Variants in SHANK2 observed in about 807,000 individuals in gnomAD.
The protein encoded by SHANK2 is SH3 and multiple ankyrin repeat domains protein 2.
SHANK2 carries 43 observed loss-of-function variants against 133.7 expected under a neutral mutation model. The ratio of observed to expected loss-of-function variants is 0.32; its 90% CI spans 0.25 to 0.41. SHANK2 has a LOEUF of 0.41. Among genes scored for constraint, SHANK2 ranks in the 10% least tolerant of loss-of-function variants. The pLI is 1.00. For missense variants in SHANK2, 1,994 were observed against 2,235.8 expected (o/e 0.89, Z 2.18); for synonymous variants, 1,017 against 952.8 (o/e 1.07, Z -1.24).
At chr11:71,084,270 C>A (rs978345854) in intron 8 of SHANK2, among the ~76,000 whole-genome samples, 22,167 of 152,170 alleles carry the variant, frequency 0.15, 2,297 homozygotes, top group East Asian at 0.5. Context: ...CGCACCCGGC[C>A]CGAATAACAA....
intron 1 of SHANK2, among the ~76,000 whole-genome samples, chr11:71,235,025 C>T (rs781809695): frequency 2.6e-4 from 39 of 152,194 alleles, no homozygotes; most frequent in Non-Finnish European, 5.1e-4. Flanking sequence ...CACTGATCCA[C>T]GCTACAACAC....
rs367871711 is a variant in SHANK2 at position 70,766,911 on chromosome 11, G to A, written c.1777+31532C>T. 1.2e-4 allele frequency among the ~76,000 whole-genome samples: 19 copies of A among 152,320 alleles called. No homozygotes were observed. In the East Asian group the frequency reaches 2.3e-3, roughly 19 times the overall value. On this transcript the variant is annotated intron_variant, in intron 14 of 25. Transcript: ENST00000601538. ...TAAGACGGGTGATTTTTAACCACAC[G>A]GAATTCTAAATCTGTTTTGAGCTGG...
At chr11:71,210,254 T>TATA (rs1565516818) in intron 2 of SHANK2, among the ~76,000 whole-genome samples, 41 of 59,842 alleles carry the variant, frequency 6.9e-4, no homozygotes, top group South Asian at 1.5e-3. Context: ...ATATATATAT[T>TATA]TATTTATTTT....
chr11:70,889,564 G>A (rs552625641), intron 11 of SHANK2, among the ~76,000 whole-genome samples: 10 of 152,338 alleles, frequency 6.6e-5, no homozygotes, highest in African/African-American at 1.7e-4. Context: ...GTGCTGGGAC[G>A]TCCGGCATGA....
chr11:71,185,632 AC>A (rs1269577881), intron 2 of SHANK2, among the ~76,000 whole-genome samples: 1 of 152,184 alleles, frequency 6.6e-6, no homozygotes, highest in Non-Finnish European at 1.5e-5. Flanking sequence ...CAGTTCAGCC[AC>A]CTGGATTCTC....
At chr11:70,589,703 TG>T (rs1565156338) in intron 17 of SHANK2, among the ~76,000 whole-genome samples, 2 of 152,128 alleles carry the variant, frequency 1.3e-5, no homozygotes, top group African/African-American at 4.8e-5. Context: ...CCATTCTAGA[TG>T]GCATTAGGAA....
chr11:70,918,033 T>G (rs146399257), intron 10 of SHANK2, among the ~76,000 whole-genome samples: 144,469 of 150,026 alleles, frequency 0.96, 69,735 homozygotes, highest in East Asian at 1. Flanking sequence ...TTTTTTTTTT[T>G]TTTTTTTTTT....
chr11:70,590,477 T>C (rs557977624), intron 17 of SHANK2, among the ~76,000 whole-genome samples: 89 of 152,206 alleles, frequency 5.8e-4, no homozygotes, highest in Non-Finnish European at 1.0e-3. Flanking sequence ...ACACCTTTCA[T>C]GAAAGGAAAA....
At chr11:70,749,594 C>T (rs184407800) in intron 14 of SHANK2, among the ~76,000 whole-genome samples, 5 of 152,264 alleles carry the variant, frequency 3.3e-5, no homozygotes, top group African/African-American at 9.6e-5. Context: ...GATGCTGGAC[C>T]TAGGAGGCAA....
intron 12 of SHANK2, among the ~76,000 whole-genome samples, chr11:70,816,970 C>T (rs1948411906): frequency 2.0e-5 from 3 of 152,224 alleles, no homozygotes; most frequent in African/African-American, 4.8e-5. Flanking sequence ...GTAACTGCTC[C>T]ATAAGCAAAC....
At chr11:70,561,714 G>A (rs974449993) in intron 17 of SHANK2, among the ~76,000 whole-genome samples, 2 of 18,408 alleles carry the variant, frequency 1.1e-4, no homozygotes, top group African/African-American at 2.0e-4. Context: ...TTTTTGTAGA[G>A]ATGGCAGGGG....
intron 2 of SHANK2, among the ~76,000 whole-genome samples, chr11:71,220,453 G>C (rs149791132): frequency 6.9e-4 from 105 of 152,206 alleles, no homozygotes; most frequent in African/African-American, 2.4e-3. Flanking sequence ...AGAACGGGTG[G>C]ATATCTTGAG....
At chr11:70,870,058 C>A (rs1441219639) in intron 11 of SHANK2, among the ~76,000 whole-genome samples, 1 of 152,054 alleles carries the variant, frequency 6.6e-6, no homozygotes, top group African/African-American at 2.4e-5. Context: ...AGTGAGGTTG[C>A]GACGAGGTAA....
chr11:70,842,361 C>A (rs1000808142), intron 11 of SHANK2, among the ~76,000 whole-genome samples: 2 of 152,192 alleles, frequency 1.3e-5, no homozygotes, highest in Non-Finnish European at 2.9e-5. Flanking sequence ...ACCATGGTGA[C>A]CCCGAGGTGG....
At chr11:70,684,045 A>G (rs1555018962) in intron 15 of SHANK2, among the ~76,000 whole-genome samples, 1 of 151,834 alleles carries the variant, frequency 6.6e-6, no homozygotes, top group Non-Finnish European at 1.5e-5. Context: ...CCACCTCCCA[A>G]AGTGCTGAGA....
rs565970377 is a variant in SHANK2 at position 70,721,375 on chromosome 11, A to G, written c.1778-22612T>C. ...ACTCTTGCCCATTTGGATTTAATAC[A>G]TGAGTCAGGATTAAATGCAGGGGTC... On this transcript the variant is annotated intron_variant, in intron 14 of 25. Coordinates refer to ENST00000601538, the MANE Select transcript of SHANK2 (RefSeq NM_012309.5). Among the ~76,000 whole-genome samples the G allele has an allele frequency of 8.5e-5, 13 of 152,310 alleles. No individual in the cohort carries two copies. The East Asian group carries it at 2.5e-3, about 29-fold the overall frequency.
intron 15 of SHANK2, among the ~76,000 whole-genome samples, chr11:70,680,843 C>T (rs1945014931): frequency 2.6e-5 from 4 of 152,164 alleles, no homozygotes; most frequent in Admixed American, 2.0e-4. Context: ...CTGCAGGCAC[C>T]GTCCTCCTTG....
intron 14 of SHANK2, among the ~76,000 whole-genome samples, chr11:70,752,240 T>C (rs1946763292): frequency 6.6e-6 from 1 of 152,006 alleles, no homozygotes; most frequent in Non-Finnish European, 1.5e-5. Context: ...AACTAACCAA[T>C]GACATGCAGT....
chr11:70,502,750 C>G (rs1270119968), intron 18 of SHANK2, 46 bp downstream of exon 18: 8 of 1,278,444 alleles, frequency 6.3e-6, no homozygotes, highest in African/African-American at 4.6e-5. Context: ...CACCCCCCCC[C>G]CCCAGTAGGG....
Sources: allele counts gnomAD v4.1 joint callset (sites outside exome capture counted in the v4.1 genomes callset), GRCh38; gene constraint gnomAD v4.1.1; transcripts MANE v1.5; gene names NCBI Gene and HGNC (gene_info 2026-07-23, HGNC 2026-07-21).